LIN52: variants seen among roughly 807,000 people sequenced by gnomAD.
LIN52 encodes protein lin-52 homolog.
A neutral mutation model predicts 18.5 loss-of-function variants in LIN52; 4 were observed. The ratio of observed to expected loss-of-function variants is 0.22; its 90% CI spans 0.11 to 0.49. The LOEUF (loss-of-function observed/expected upper bound fraction) is 0.49. LIN52 is among the 20% of genes least tolerant of loss of function. LIN52 has a pLI of 0.97. For missense variants in LIN52, 102 were observed against 139.5 expected (o/e 0.73, Z 1.35); for synonymous variants, 34 against 45.5 (o/e 0.75, Z 1.02).
In LIN52 at chr14:74,169,384, T is replaced by C. The variant is rs565991387; in HGVS notation, c.284-29538T>C. The stretch of plus-strand genomic sequence containing the variant: ...TCTCTTAAGAGTTACCTTCCTTTTC[T>C]GTGTATTCTGGTTGCTGTTTTCTGG... On this transcript the variant is annotated intron_variant, in intron 5 of 5. Coordinates refer to ENST00000555028, the MANE Select transcript of LIN52 (RefSeq NM_001024674.3). Among the ~76,000 whole-genome samples, 4 of 152,354 alleles carry C rather than the reference T, an allele frequency of 2.6e-5. No homozygotes were observed. The East Asian group carries it at 7.7e-4, about 29-fold the overall frequency.
At chr14:74,112,005 C>T (rs1363340155) in intron 5 of LIN52, among the ~76,000 whole-genome samples, 4 of 151,962 alleles carry the variant, frequency 2.6e-5, no homozygotes, top group South Asian at 2.1e-4. Flanking sequence ...CTCAGCCTCC[C>T]GAGTAACTGG....
chr14:74,186,282 ACT>A (rs1305770740), intron 5 of LIN52, among the ~76,000 whole-genome samples: 1 of 151,896 alleles, frequency 6.6e-6, no homozygotes, highest in African/African-American at 2.4e-5. Flanking sequence ...ACAGAGTGAG[ACT>A]CTGTCTCAAA....
intron 5 of LIN52, among the ~76,000 whole-genome samples, chr14:74,183,318 C>T (rs978110794): frequency 2.0e-5 from 3 of 152,062 alleles, no homozygotes; most frequent in Non-Finnish European, 4.4e-5. Context: ...CCAGGATGGT[C>T]TCGATCTCCT....
intron 2 of LIN52, 26 bp from the exon 3 acceptor site, chr14:74,095,918 GAATA>G (rs772420730): frequency 2.0e-5 from 31 of 1,515,606 alleles, no homozygotes; most frequent in Non-Finnish European, 2.5e-5. Flanking sequence ...CATACTTATT[GAATA>G]AATAAAGTTT....
At chr14:74,134,708 G>T (rs1229169457) in intron 5 of LIN52, among the ~76,000 whole-genome samples, 1 of 152,094 alleles carries the variant, frequency 6.6e-6, no homozygotes, top group Non-Finnish European at 1.5e-5. Flanking sequence ...TCAAGAGTGG[G>T]CCAGCTAGAG....
chr14:74,191,958 C>G (rs998462347), intron 5 of LIN52, among the ~76,000 whole-genome samples: 1 of 152,054 alleles, frequency 6.6e-6, no homozygotes, highest in Non-Finnish European at 1.5e-5. Context: ...TTTATGTGTT[C>G]CTTTTGGCTA....
At position 74,101,386 on chromosome 14, in the gene LIN52, A is replaced by G. The variant is rs74431323; in HGVS notation, c.283+148A>G. The stretch of plus-strand genomic sequence containing the variant: ...GAAGCATTCTGAAGGTAAGAAGTCA[A>G]TCTAATTCATTGACTTTTTATGGTG... On this transcript the variant is annotated intron_variant, in intron 5 of 5. Transcript: ENST00000555028. The G allele has an allele frequency of 0.025, 12,595 of 496,802 alleles. 205 individuals carry two copies. The highest frequency in any genetic ancestry group is 0.033 in the Non-Finnish European group (9,322 of 286,628). 30.8% of individuals were successfully genotyped at this position (496,802 alleles called of 1,614,324 possible). A position where few individuals can be genotyped will look rare whatever the true frequency, so the allele number is the denominator to read the frequency against.
intron 5 of LIN52, among the ~76,000 whole-genome samples, chr14:74,124,069 T>A (rs573155149): frequency 2.6e-4 from 39 of 152,316 alleles, no homozygotes; most frequent in Middle Eastern, 3.4e-3. Context: ...TTATTTATTT[T>A]TTTTACAAGA....
chr14:74,091,317 G>T lies in LIN52; in HGVS notation c.94+11G>T, dbSNP rs1166773087. The T allele has an allele frequency of 4.4e-6, 7 of 1,593,530 alleles. No individual in the cohort carries two copies. Among genetic ancestry groups the T allele is most frequent in the Admixed American group, 1.7e-5 (1 of 59,622 alleles). ...TTTGGCCAGAACAATGTAAGTTTTT[G>T]CCTTCTTTATATCAGAGTCAATGCA... is the stretch of plus-strand genomic sequence containing the variant. On this transcript the variant is annotated intron_variant, in intron 2 of 5. Coordinates refer to ENST00000555028, the MANE Select transcript of LIN52 (RefSeq NM_001024674.3).
At chr14:74,138,761 C>A (rs867818869) in intron 5 of LIN52, among the ~76,000 whole-genome samples, 1 of 126,834 alleles carries the variant, frequency 7.9e-6, no homozygotes, top group Non-Finnish European at 1.7e-5. Flanking sequence ...CAGAGTGAGA[C>A]CCTGCCTCAA....
chr14:74,116,189 G>A (rs2060963520), intron 5 of LIN52, among the ~76,000 whole-genome samples: 1 of 152,114 alleles, frequency 6.6e-6, no homozygotes, highest in Non-Finnish European at 1.5e-5. Flanking sequence ...TGTGGTCTCA[G>A]CTACTGGGGA....
chr14:74,114,077 C>A, intron 5 of LIN52: 1 of 935,784 alleles, frequency 1.1e-6, no homozygotes, highest in Non-Finnish European at 1.3e-6. Context: ...ACCTCCCGGG[C>A]TCAAGCAAGT....
chr14:74,091,034 C>A (rs1228072560), intron 1 of LIN52, among the ~76,000 whole-genome samples, 198 bp from the exon 2 acceptor site: 2 of 152,188 alleles, frequency 1.3e-5, no homozygotes, highest in Non-Finnish European at 2.9e-5. Context: ...CATTCCCATT[C>A]ATAGATTGAA....
In LIN52 at chr14:74,200,425, A is replaced by T. The variant is rs1469579067; in HGVS notation, c.*1448A>T. 3.1e-5 allele frequency: 1 copy of T among 32,254 alleles called. No individual in the cohort carries two copies. The highest frequency in any genetic ancestry group is 1.3e-4 in the Non-Finnish European group (1 of 7,462). The allele number at this position is 32,254 out of a possible 1,614,324, so 2.0% of individuals were successfully genotyped here. On this transcript the variant is annotated 3_prime_UTR_variant, in exon 6 of 6. Coordinates refer to ENST00000555028, the MANE Select transcript of LIN52 (RefSeq NM_001024674.3). ...GAGACTCTGTCTCAGAAAAAAAAAA[A>T]AAAAAAAAAAAAAAAAAAGAATATC...
At chr14:74,092,013 G>A (rs1214855651) in intron 2 of LIN52, among the ~76,000 whole-genome samples, 3 of 151,852 alleles carry the variant, frequency 2.0e-5, no homozygotes, top group Admixed American at 1.3e-4. Flanking sequence ...TCTCTCTGTC[G>A]CCCAGGGTGG....
At chr14:74,093,637 C>T (rs573521362) in intron 2 of LIN52, among the ~76,000 whole-genome samples, 1 of 152,262 alleles carries the variant, frequency 6.6e-6, no homozygotes, top group African/African-American at 2.4e-5. Flanking sequence ...ACTCTTATAA[C>T]GTTAACCACT....
rs927782429 is a variant in LIN52, at chr14:74,201,344, C to T, written c.*2367C>T. 1 of 152,114 alleles carries T rather than the reference C, an allele frequency of 6.6e-6. No individual in the cohort carries two copies. Among genetic ancestry groups the T allele is most frequent in the Admixed American group, 6.6e-5 (1 of 15,266 alleles). 9.4% of individuals were successfully genotyped at this position (152,114 alleles called of 1,614,324 possible). The stretch of plus-strand genomic sequence containing the variant: ...ATCTACTGTTTTCCCCCTTAATATA[C>T]TTAATGGATAGTTGGGGGCTTTACA... On this transcript the variant is annotated 3_prime_UTR_variant, in exon 6 of 6. Transcript: ENST00000555028.
chr14:74,153,824 G>A (rs1437661112), intron 5 of LIN52, among the ~76,000 whole-genome samples: 8 of 152,150 alleles, frequency 5.3e-5, no homozygotes, highest in East Asian at 1.9e-4. Flanking sequence ...GATTACAGGC[G>A]TGAGCCACCA....
At chr14:74,196,301 T>C (rs1566872597) in intron 5 of LIN52, among the ~76,000 whole-genome samples, 1 of 152,204 alleles carries the variant, frequency 6.6e-6, no homozygotes, top group South Asian at 2.1e-4. Flanking sequence ...CCTTAAATTG[T>C]GTGGATCTTT....
Sources: allele counts gnomAD v4.1 joint callset (sites outside exome capture counted in the v4.1 genomes callset), GRCh38; gene constraint gnomAD v4.1.1; transcripts MANE v1.5; gene names NCBI Gene and HGNC (gene_info 2026-07-23, HGNC 2026-07-21).